The following COLEC12 variants were observed in gnomAD, a reference collection of about 807,000 sequenced individuals.
COLEC12 encodes the protein collectin subfamily member 12.
COLEC12 carries 33 observed loss-of-function variants against 71.1 expected under a neutral mutation model. The ratio of observed to expected loss-of-function variants is 0.46; its 90% CI spans 0.35 to 0.62. COLEC12 has a LOEUF of 0.62. Among genes scored for constraint, COLEC12 ranks in the 20% least tolerant of loss-of-function variants. The probability of loss-of-function intolerance (pLI) is 0.00; values close to 1 mark genes in which losing one functional copy is unlikely to be tolerated. For missense variants in COLEC12, 765 were observed against 916.1 expected (o/e 0.84, Z 2.13); for synonymous variants, 350 against 353.0 (o/e 0.99, Z 0.10).
chr18:389,390 T>C (rs886558165), intron 2 of COLEC12, among the ~76,000 whole-genome samples: 4 of 151,970 alleles, frequency 2.6e-5, no homozygotes, highest in African/African-American at 9.7e-5. Context: ...GTCATTCTCC[T>C]GCCTCAGCCT....
intron 2 of COLEC12, among the ~76,000 whole-genome samples, chr18:420,534 A>T (rs907697811): frequency 3.9e-5 from 6 of 152,116 alleles, no homozygotes; most frequent in Admixed American, 2.0e-4. Flanking sequence ...GCGATAAAAA[A>T]TTTTCTAGGT....
intron 2 of COLEC12, among the ~76,000 whole-genome samples, chr18:364,272 G>A (rs1208709571): frequency 3.3e-5 from 5 of 152,158 alleles, no homozygotes; most frequent in African/African-American, 9.7e-5. Context: ...CAGATGTAAC[G>A]GTCCCACTCA....
chr18:457,218 C>T (rs970604030), intron 2 of COLEC12, among the ~76,000 whole-genome samples: 3 of 152,144 alleles, frequency 2.0e-5, no homozygotes, highest in Admixed American at 6.5e-5. Flanking sequence ...GGATTATGGA[C>T]GCGAGCCGTG....
chr18:330,223 A>G (rs1913940967), intron 8 of COLEC12, among the ~76,000 whole-genome samples: 1 of 152,200 alleles, frequency 6.6e-6, no homozygotes, highest in South Asian at 2.1e-4. Flanking sequence ...AGGGACATTT[A>G]AAAAACTCGA....
intron 2 of COLEC12, among the ~76,000 whole-genome samples, chr18:376,607 C>T (rs1448565568): frequency 1.3e-5 from 2 of 152,184 alleles, no homozygotes; most frequent in East Asian, 1.9e-4. Context: ...GATGTTTGTT[C>T]TTCCTTTGCT....
chr18:351,576 A>AT (rs1914523048), intron 3 of COLEC12, among the ~76,000 whole-genome samples: 1 of 151,888 alleles, frequency 6.6e-6, no homozygotes, highest in South Asian at 2.1e-4. Flanking sequence ...TATTTATTTA[A>AT]TTTTTTATTA....
intron 2 of COLEC12, among the ~76,000 whole-genome samples, chr18:453,490 T>C (rs1242660145): frequency 6.6e-6 from 1 of 152,098 alleles, no homozygotes; most frequent in Non-Finnish European, 1.5e-5. Flanking sequence ...CACAGAGCTG[T>C]GTGGTTGGGA....
chr18:326,376 C>A (rs1913842196), intron 8 of COLEC12, among the ~76,000 whole-genome samples: 1 of 152,100 alleles, frequency 6.6e-6, no homozygotes, highest in Non-Finnish European at 1.5e-5. Flanking sequence ...GAGATGGAGT[C>A]TCGCTCTGTC....
intron 1 of COLEC12, among the ~76,000 whole-genome samples, chr18:494,291 A>G (rs1039938400): frequency 2.0e-5 from 3 of 152,232 alleles, no homozygotes; most frequent in Non-Finnish European, 4.4e-5. Flanking sequence ...TCTAAACTAC[A>G]TCACTGATTA....
intron 3 of COLEC12, among the ~76,000 whole-genome samples, chr18:354,508 T>C (rs967391662): frequency 6.6e-6 from 1 of 152,270 alleles, no homozygotes; most frequent in Non-Finnish European, 1.5e-5. Context: ...TTATTGTGTT[T>C]CTTTCATTGA....
chr18:498,358 T>TTTTC (rs57747717), intron 1 of COLEC12, among the ~76,000 whole-genome samples: 27,582 of 144,960 alleles, frequency 0.19, 3,210 homozygotes, highest in African/African-American at 0.31. Context: ...TGGAATATTT[T>TTTTC]TTTTCTTTTT....
At chr18:397,013 C>T (rs537682914) in intron 2 of COLEC12, among the ~76,000 whole-genome samples, 20 of 152,316 alleles carry the variant, frequency 1.3e-4, no homozygotes, top group African/African-American at 4.6e-4. Context: ...CTGGAATGCC[C>T]AGTCAGCTCT....
intron 2 of COLEC12, among the ~76,000 whole-genome samples, chr18:431,248 G>A (rs1916296838): frequency 6.6e-6 from 1 of 151,292 alleles, no homozygotes; most frequent in African/African-American, 2.4e-5. Flanking sequence ...AGCAATCCTT[G>A]CACCCTGGCC....
chr18:365,366 GT>G (rs1259552714), intron 2 of COLEC12, among the ~76,000 whole-genome samples: 2 of 152,212 alleles, frequency 1.3e-5, no homozygotes, highest in Non-Finnish European at 2.9e-5. Context: ...TGCTGAGGGA[GT>G]TTTTGGAGTG....
chr18:494,474 C>G (rs897482419), intron 1 of COLEC12, among the ~76,000 whole-genome samples: 2 of 152,130 alleles, frequency 1.3e-5, no homozygotes, highest in Non-Finnish European at 2.9e-5. Context: ...ATTGTTGTCC[C>G]TCATCACATT....
intron 1 of COLEC12, among the ~76,000 whole-genome samples, chr18:487,353 G>A (rs1917538760): frequency 6.6e-6 from 1 of 152,246 alleles, no homozygotes; most frequent in East Asian, 1.9e-4. Context: ...TTAGTGGGTA[G>A]AGGTTTCTTT....
intron 5 of COLEC12, among the ~76,000 whole-genome samples, 171 bp from the exon 6 acceptor site, chr18:335,401 T>A (rs181537870): frequency 4.6e-5 from 7 of 152,160 alleles, no homozygotes; most frequent in Non-Finnish European, 2.9e-5. Context: ...TGGGCTAAAT[T>A]ATGTCCTCCT....
intron 2 of COLEC12, among the ~76,000 whole-genome samples, chr18:393,707 C>T (rs1047745645): frequency 2.0e-5 from 3 of 152,226 alleles, no homozygotes; most frequent in African/African-American, 7.2e-5. Flanking sequence ...GCCTTTCATC[C>T]ACACCACCAG....
chr18:398,054 T>C (rs1054933686), intron 2 of COLEC12, among the ~76,000 whole-genome samples: 3 of 68,538 alleles, frequency 4.4e-5, no homozygotes, highest in Admixed American at 2.0e-4. Flanking sequence ...TAACTTTCTA[T>C]GTTACCAAAA....
Sources: allele counts gnomAD v4.1 joint callset (sites outside exome capture counted in the v4.1 genomes callset), GRCh38; gene constraint gnomAD v4.1.1; transcripts MANE v1.5; gene names NCBI Gene and HGNC (gene_info 2026-07-23, HGNC 2026-07-21).